Variants in NTRK3 observed in about 807,000 individuals in gnomAD.
NTRK3 encodes NT-3 growth factor receptor.
In NTRK3, 24 loss-of-function variants were observed where a neutral mutation model predicts 91.7. The observed-to-expected ratio is 0.26, with a 90% CI of 0.19 to 0.37. The LOEUF (loss-of-function observed/expected upper bound fraction) is 0.37, where lower values mean the gene tolerates loss of function less well. NTRK3 is among the 10% of genes least tolerant of loss of function. The pLI, the probability that NTRK3 is intolerant of heterozygous loss-of-function variation, is 1.00. For missense variants in NTRK3, 880 were observed against 1,068.9 expected (o/e 0.82, Z 2.46); for synonymous variants, 483 against 404.0 (o/e 1.20, Z -2.34).
rs1280599020 is a variant in NTRK3 at position 88,181,345 on chromosome 15, C to T, written c.395+2073G>A. On this transcript the variant is annotated intron_variant, in intron 5 of 18. Transcript: ENST00000394480. ...CCACTCAGCAGACCCCATATCATTC[C>T]AAAAGAGACAGTGGGTCACAGCCCT... Among the ~76,000 whole-genome samples the T allele has an allele frequency of 2.6e-5, 4 of 152,128 alleles. 1 individual carries two copies. Among genetic ancestry groups the T allele is most frequent in the Non-Finnish European group, 5.9e-5 (4 of 68,012 alleles).
intron 13 of NTRK3, among the ~76,000 whole-genome samples, chr15:88,056,892 C>T (rs1159806101): frequency 2.0e-5 from 3 of 152,178 alleles, no homozygotes; most frequent in East Asian, 1.9e-4. Flanking sequence ...ATGTGTCGGC[C>T]GGGCGCGGTG....
chr15:87,943,444 A>G (rs948218709), intron 14 of NTRK3, among the ~76,000 whole-genome samples: 3 of 152,102 alleles, frequency 2.0e-5, no homozygotes, highest in Admixed American at 6.5e-5. Flanking sequence ...TGCAGTGCAG[A>G]TCATGCCTCT....
intron 5 of NTRK3, among the ~76,000 whole-genome samples, chr15:88,161,232 TC>T (rs1352408758): frequency 6.6e-6 from 1 of 152,236 alleles, no homozygotes. Context: ...ATCATCATTA[TC>T]ATCATCTCTG....
intron 13 of NTRK3, among the ~76,000 whole-genome samples, chr15:88,045,617 G>A (rs1029476451): frequency 6.6e-5 from 10 of 152,216 alleles, no homozygotes; most frequent in Non-Finnish European, 2.9e-5. Context: ...TAAAACAACA[G>A]AGTTATGCAC....
chr15:88,101,471 A>G (rs374200145), intron 13 of NTRK3, among the ~76,000 whole-genome samples: 18 of 152,222 alleles, frequency 1.2e-4, no homozygotes, highest in South Asian at 2.1e-4. Flanking sequence ...ATTCCTCAGG[A>G]ATCTAGAACT....
intron 13 of NTRK3, among the ~76,000 whole-genome samples, chr15:88,124,525 T>C (rs186954834): frequency 8.3e-4 from 126 of 152,302 alleles, no homozygotes; most frequent in Non-Finnish European, 1.6e-3. Context: ...GCCCCATTCT[T>C]CCCTTTGGTC....
chr15:88,064,718 C>T (rs1206364566), intron 13 of NTRK3, among the ~76,000 whole-genome samples: 2 of 152,148 alleles, frequency 1.3e-5, no homozygotes, highest in Non-Finnish European at 2.9e-5. Context: ...TCAAGAAGAG[C>T]CTAAACTTAG....
rs556453447 is a variant in NTRK3, at chr15:87,904,323, T to A, written c.2134-23895A>T. ...ATGCCACCACGCCCGGCTAATTTTT[T>A]TTTTATTTTATTTTAGTAGAGACGG... is the stretch of plus-strand genomic sequence containing the variant. On this transcript the variant is annotated intron_variant, in intron 17 of 18. Coordinates refer to ENST00000394480, the Ensembl canonical transcript of NTRK3. Among the ~76,000 whole-genome samples, 4 of 151,454 alleles carry A rather than the reference T, an allele frequency of 2.6e-5. No individual in the cohort carries two copies. In the South Asian group the frequency reaches 6.3e-4, roughly 24 times the overall value.
At chr15:87,944,027 C>T (rs1242167431) in intron 14 of NTRK3, among the ~76,000 whole-genome samples, 2 of 152,194 alleles carry the variant, frequency 1.3e-5, no homozygotes, top group Non-Finnish European at 2.9e-5. Flanking sequence ...AGCCTTGGCT[C>T]ATTCTTGTTG....
At chr15:87,944,098 G>C (rs2070178178) in intron 14 of NTRK3, among the ~76,000 whole-genome samples, 1 of 152,198 alleles carries the variant, frequency 6.6e-6, no homozygotes, top group Non-Finnish European at 1.5e-5. Flanking sequence ...AGGGTGGTGA[G>C]TGCTGGGAAG....
At chr15:88,192,795 T>C (rs1369334468) in intron 3 of NTRK3, among the ~76,000 whole-genome samples, 11 of 151,970 alleles carry the variant, frequency 7.2e-5, no homozygotes, top group Non-Finnish European at 1.6e-4. Flanking sequence ...CCCTGGCTTC[T>C]TTCAATCCCT....
At chr15:87,986,403 T>C (rs1252888667) in intron 14 of NTRK3, among the ~76,000 whole-genome samples, 1 of 152,240 alleles carries the variant, frequency 6.6e-6, no homozygotes, top group Non-Finnish European at 1.5e-5. Context: ...TGAGAACCCA[T>C]GTGAGTTCAC....
Position 88,233,464 on chromosome 15 carries a change from G to C in NTRK3, c.248+22442C>G, listed in dbSNP as rs531075142. Among the ~76,000 whole-genome samples, 172 of 152,210 alleles carry C rather than the reference G, an allele frequency of 1.1e-3. No homozygotes were observed. The highest frequency in any genetic ancestry group is 0.01 in the Middle Eastern group (3 of 294). ...TGGGGAGAAGTGGCACCCCACGAAAGTTAGCACACTGAAACCACAGTTAGC... is the reference window on the plus strand; with the variant it reads ...TGGGGAGAAGTGGCACCCCACGAAACTTAGCACACTGAAACCACAGTTAGC... On this transcript the variant is annotated intron_variant, in intron 3 of 18. Transcript: ENST00000394480. This position sits in a 1 kb window ranked among gnomAD's most constrained non-coding sequence, Gnocchi z 4.2.
At chr15:88,207,420 AAC>A (rs1379467873) in intron 3 of NTRK3, among the ~76,000 whole-genome samples, 1 of 152,172 alleles carries the variant, frequency 6.6e-6, no homozygotes, top group African/African-American at 2.4e-5. Context: ...TCGTTTCTCA[AAC>A]ACAATCCCAA....
intron 14 of NTRK3, among the ~76,000 whole-genome samples, chr15:87,945,187 G>A (rs748530194): frequency 6.6e-6 from 1 of 152,168 alleles, no homozygotes; most frequent in Non-Finnish European, 1.5e-5. Flanking sequence ...TAATGGGAAG[G>A]GTTCTTTGGA....
At chr15:88,051,096 T>A (rs902266453) in intron 13 of NTRK3, among the ~76,000 whole-genome samples, 1 of 152,106 alleles carries the variant, frequency 6.6e-6, no homozygotes, top group African/African-American at 2.4e-5. Flanking sequence ...ACTAACCACA[T>A]CTCCTACCAG....
At chr15:88,055,706 A>G (rs994115983) in intron 13 of NTRK3, among the ~76,000 whole-genome samples, 1 of 152,104 alleles carries the variant, frequency 6.6e-6, no homozygotes, top group Admixed American at 6.5e-5. Flanking sequence ...CAACATGAGA[A>G]CCCAGGATTT....
intron 13 of NTRK3, among the ~76,000 whole-genome samples, chr15:88,074,631 T>C (rs1567341999): frequency 1.3e-5 from 2 of 152,184 alleles, no homozygotes; most frequent in African/African-American, 2.4e-5. Context: ...CCCAGCATCC[T>C]CTTGCTAGTA....
intron 13 of NTRK3, among the ~76,000 whole-genome samples, chr15:88,117,365 C>A (rs1003632260): frequency 6.6e-6 from 1 of 152,158 alleles, no homozygotes; most frequent in Admixed American, 6.5e-5. Context: ...TGTTTGATGC[C>A]TGTCACTCTC....
Sources: gnomAD v4.1 joint callset for allele counts (sites outside exome capture counted in the v4.1 genomes callset) on GRCh38, gnomAD v4.1.1 for gene constraint, Gnocchi (gnomAD v3.1) non-coding constraint, MANE v1.5 for transcripts, NCBI Gene and HGNC (gene_info 2026-07-23, HGNC 2026-07-21) for gene names.